The following FERMT2 variants were observed in gnomAD, a reference collection of about 807,000 sequenced individuals.
FERMT2 encodes FERM domain containing kindlin 2.
FERMT2 carries 15 observed loss-of-function variants against 82.7 expected under a neutral mutation model. The ratio of observed to expected loss-of-function variants is 0.18; its 90% CI spans 0.12 to 0.28. The LOEUF is 0.28. Among genes scored for constraint, FERMT2 ranks in the 10% least tolerant of loss-of-function variants. FERMT2 has a pLI of 1.00. For synonymous variants in FERMT2, 274 were observed against 271.5 expected (o/e 1.01, Z -0.09); for missense variants, 645 against 809.4 (o/e 0.80, Z 2.46).
intron 3 of FERMT2, among the ~76,000 whole-genome samples, chr14:52,914,612 T>C (rs937336899): frequency 2.6e-5 from 4 of 151,772 alleles, no homozygotes; most frequent in Non-Finnish European, 4.4e-5. Context: ...AGAGACATGA[T>C]TGCTTACATA....
At chr14:52,949,621 C>T (rs983718034) in intron 2 of FERMT2, among the ~76,000 whole-genome samples, 9 of 151,812 alleles carry the variant, frequency 5.9e-5, no homozygotes, top group Admixed American at 3.9e-4. Flanking sequence ...TCATTCATCA[C>T]AAAAATGTGT....
At position 52,914,748 on chromosome 14, in the gene FERMT2, C is replaced by T. The variant is rs1324484525; in HGVS notation, c.391+4375G>A. Among the ~76,000 whole-genome samples the T allele has an allele frequency of 7.3e-5, 11 of 151,718 alleles. No homozygotes were observed. The East Asian group carries it at 2.1e-3, about 29-fold the overall frequency. On this transcript the variant is annotated intron_variant, in intron 3 of 14. Transcript: ENST00000341590. ...CAGCCTGGCCCACATGGCAAAACCC[C>T]GTCTCTACTAAAAATACAAAAATTA...
chr14:52,890,933 A>G (rs1306128750), intron 4 of FERMT2, among the ~76,000 whole-genome samples: 3 of 151,912 alleles, frequency 2.0e-5, no homozygotes, highest in African/African-American at 7.3e-5. Context: ...CTCTTCCTCA[A>G]CCTACAGGCT....
chr14:52,911,655 T>TAA (rs1284789789), intron 3 of FERMT2, among the ~76,000 whole-genome samples: 13 of 115,500 alleles, frequency 1.1e-4, no homozygotes, highest in African/African-American at 3.3e-4. Context: ...CATCTCAAAA[T>TAA]AAAAAAAAAA....
intron 2 of FERMT2, among the ~76,000 whole-genome samples, chr14:52,936,576 AC>A (rs745311515): frequency 1.1e-4 from 16 of 152,010 alleles, no homozygotes; most frequent in Non-Finnish European, 1.9e-4. Context: ...CCCCATCATC[AC>A]CAGACTTCTT....
At chr14:52,932,275 T>C (rs1004443699) in intron 2 of FERMT2, among the ~76,000 whole-genome samples, 4 of 152,204 alleles carry the variant, frequency 2.6e-5, no homozygotes, top group Non-Finnish European at 4.4e-5. Flanking sequence ...TCTGGGTATG[T>C]TGAATATGAG....
intron 2 of FERMT2, among the ~76,000 whole-genome samples, chr14:52,920,760 C>T (rs2139644239): frequency 1.3e-5 from 2 of 152,232 alleles, no homozygotes; most frequent in Admixed American, 1.3e-4. Context: ...CAAGACCAGC[C>T]TGGACAATGT....
chr14:52,947,427 C>T (rs149210267), intron 2 of FERMT2, among the ~76,000 whole-genome samples: 13,753 of 152,018 alleles, frequency 0.09, 718 homozygotes, highest in East Asian at 0.2. Context: ...TGCAGTGAGC[C>T]GGGATCGCGC....
chr14:52,910,953 T>G (rs569223689), intron 3 of FERMT2, among the ~76,000 whole-genome samples: 4 of 152,188 alleles, frequency 2.6e-5, no homozygotes, highest in African/African-American at 9.7e-5. Context: ...ATTTAATAAC[T>G]TGGGTTGAAA....
intron 2 of FERMT2, among the ~76,000 whole-genome samples, chr14:52,930,817 A>T (rs1889532836): frequency 6.6e-6 from 1 of 152,214 alleles, no homozygotes; most frequent in African/African-American, 2.4e-5. Context: ...CAGGGCCTAC[A>T]AGTAAAATTA....
At chr14:52,937,752 G>A (rs72686401) in intron 2 of FERMT2, among the ~76,000 whole-genome samples, 55 of 152,246 alleles carry the variant, frequency 3.6e-4, no homozygotes, top group South Asian at 8.3e-4. Flanking sequence ...ACCAAAAATA[G>A]AGCATGAATG....
At position 52,943,967 on chromosome 14, in the gene FERMT2, G is replaced by A. The variant is rs1485370355; in HGVS notation, c.157+6445C>T. 2.0e-5 allele frequency among the ~76,000 whole-genome samples: 3 copies of A among 152,190 alleles called. No individual in the cohort carries two copies. The East Asian group carries it at 5.8e-4, about 29-fold the overall frequency. On this transcript the variant is annotated intron_variant, in intron 2 of 14. Coordinates refer to ENST00000341590, the MANE Select transcript of FERMT2 (RefSeq NM_006832.3). The stretch of plus-strand genomic sequence containing the variant: ...CATCTCTATAAATAAGTTAACTCTA[G>A]TTGGAAACAAACAGTTTTTTACTTT...
At chr14:52,910,747 T>A (rs1888267520) in intron 3 of FERMT2, among the ~76,000 whole-genome samples, 1 of 152,240 alleles carries the variant, frequency 6.6e-6, no homozygotes, top group African/African-American at 2.4e-5. Context: ...AATAGTGTTC[T>A]GCTGGTCTTG....
At chr14:52,869,717 G>C (rs1049739288) in intron 10 of FERMT2, among the ~76,000 whole-genome samples, 1 of 152,134 alleles carries the variant, frequency 6.6e-6, no homozygotes, top group African/African-American at 2.4e-5. Flanking sequence ...ATTTTACAAA[G>C]TACTTCTACT....
chr14:52,922,228 T>C (rs775205595), intron 2 of FERMT2, among the ~76,000 whole-genome samples: 7 of 152,176 alleles, frequency 4.6e-5, no homozygotes, highest in Non-Finnish European at 7.3e-5. Flanking sequence ...AGGAGAAAGA[T>C]GAGGTATCTC....
intron 10 of FERMT2, chr14:52,872,182 A>G (rs1885663040): frequency 6.6e-6 from 1 of 152,634 alleles, no homozygotes; most frequent in South Asian, 2.1e-4. Context: ...ACAAGGAGGC[A>G]GCCCCTGCAG....
Sources: gnomAD v4.1 joint callset for allele counts (sites outside exome capture counted in the v4.1 genomes callset) on GRCh38, gnomAD v4.1.1 for gene constraint, MANE v1.5 for transcripts, NCBI Gene and HGNC (gene_info 2026-07-23, HGNC 2026-07-21) for gene names.